Variants in CTNNA2 observed in about 807,000 individuals in gnomAD.
CTNNA2 encodes catenin alpha-2.
CTNNA2 carries 42 observed loss-of-function variants against 101.0 expected under a neutral mutation model. The ratio of observed to expected loss-of-function variants is 0.42; its 90% confidence interval spans 0.32 to 0.54. The LOEUF is 0.54. CTNNA2 is among the 20% of genes least tolerant of loss of function. The pLI, the probability that CTNNA2 is intolerant of heterozygous loss-of-function variation, is 0.14. For missense variants in CTNNA2, 871 were observed against 1,223.1 expected (o/e 0.71, Z 4.29); for synonymous variants, 450 against 456.4 (o/e 0.99, Z 0.18).
intron 12 of CTNNA2, among the ~76,000 whole-genome samples, 195 bp from the exon 13 acceptor site, chr2:80,573,968 A>G (rs1694821451): frequency 6.6e-6 from 1 of 152,122 alleles, no homozygotes; most frequent in African/African-American, 2.4e-5. Flanking sequence ...AACAATTGGG[A>G]AAGTTTCCTT....
intron 1 of CTNNA2, among the ~76,000 whole-genome samples, chr2:79,554,255 T>C (rs1324488224): frequency 6.6e-6 from 1 of 152,046 alleles, no homozygotes; most frequent in Admixed American, 6.6e-5. Context: ...TCAGAATACA[T>C]GTTGGAACTG....
chr2:80,363,670 A>T (rs1477245956), intron 7 of CTNNA2, among the ~76,000 whole-genome samples: 1 of 152,204 alleles, frequency 6.6e-6, no homozygotes, highest in Admixed American at 6.5e-5. Flanking sequence ...GCATATGGGT[A>T]GCAGGTATAC....
At chr2:79,801,887 G>A (rs1403749195) in intron 3 of CTNNA2, among the ~76,000 whole-genome samples, 1 of 151,516 alleles carries the variant, frequency 6.6e-6, no homozygotes, top group African/African-American at 2.4e-5. Context: ...AGCTACTCGG[G>A]AGGCTGAGGC....
chr2:79,397,561 T>C (rs1285845855), intron 4 of CTNNA2, among the ~76,000 whole-genome samples: 3 of 152,198 alleles, frequency 2.0e-5, no homozygotes, highest in Non-Finnish European at 4.4e-5. Context: ...ATTCATTCTT[T>C]ATACGTTTTT....
intron 3 of CTNNA2, among the ~76,000 whole-genome samples, chr2:79,342,024 A>G (rs1677149573): frequency 6.6e-6 from 1 of 152,178 alleles, no homozygotes; most frequent in African/African-American, 2.4e-5. Flanking sequence ...GGGGCAAATT[A>G]TTTGCTCTCA....
intron 7 of CTNNA2, among the ~76,000 whole-genome samples, chr2:79,944,962 A>G (rs1453532161): frequency 1.3e-5 from 2 of 152,210 alleles, no homozygotes; most frequent in African/African-American, 2.4e-5. Flanking sequence ...CATTCTCAGA[A>G]GGGCAAAAAT....
intron 7 of CTNNA2, among the ~76,000 whole-genome samples, chr2:80,270,435 C>G (rs547965260): frequency 6.6e-6 from 1 of 152,278 alleles, no homozygotes; most frequent in African/African-American, 2.4e-5. Flanking sequence ...TCTTACTCAG[C>G]AGGGAACTCA....
At chr2:79,461,040 C>T (rs1670872040) in intron 4 of CTNNA2, among the ~76,000 whole-genome samples, 1 of 151,966 alleles carries the variant, frequency 6.6e-6, no homozygotes, top group African/African-American at 2.4e-5. Flanking sequence ...CGAGATTTCA[C>T]TATGTTGGCC....
chr2:79,333,145 A>G (rs1676913770), intron 3 of CTNNA2, among the ~76,000 whole-genome samples: 1 of 152,286 alleles, frequency 6.6e-6, no homozygotes, highest in Non-Finnish European at 1.5e-5. Context: ...CAGGGAGCAA[A>G]CATTTAGAAA....
intron 4 of CTNNA2, among the ~76,000 whole-genome samples, chr2:79,860,312 C>T (rs925007458): frequency 1.3e-5 from 2 of 152,152 alleles, no homozygotes; most frequent in Non-Finnish European, 2.9e-5. Context: ...GCCCTGTCAG[C>T]AACTGTCAGG....
intron 1 of CTNNA2, among the ~76,000 whole-genome samples, chr2:79,541,344 T>C (rs62141447): frequency 6.0e-4 from 86 of 142,406 alleles, no homozygotes; most frequent in African/African-American, 1.6e-3. Flanking sequence ...TATATATATA[T>C]ACACACACAC....
chr2:79,605,756 T>C (rs1031418796), intron 1 of CTNNA2, among the ~76,000 whole-genome samples: 1 of 151,786 alleles, frequency 6.6e-6, no homozygotes, highest in Non-Finnish European at 1.5e-5. Context: ...ATGATGATAA[T>C]AATAATAATA....
chr2:79,947,679 A>G (rs1036859398), intron 7 of CTNNA2, among the ~76,000 whole-genome samples: 3 of 152,148 alleles, frequency 2.0e-5, no homozygotes, highest in African/African-American at 4.8e-5. Context: ...AGTATTTTCC[A>G]TATACTGGGT....
At chr2:80,372,333 C>T (rs1036190140) in intron 7 of CTNNA2, among the ~76,000 whole-genome samples, 9 of 151,710 alleles carry the variant, frequency 5.9e-5, no homozygotes, top group Non-Finnish European at 7.4e-5. Flanking sequence ...TATTTAGGGC[C>T]ACAAATCCCC....
chr2:80,483,242 T>C (rs1344243762), intron 9 of CTNNA2, among the ~76,000 whole-genome samples: 2 of 152,028 alleles, frequency 1.3e-5, no homozygotes, highest in African/African-American at 4.8e-5. Context: ...CTCCCTTCTT[T>C]CTTTCATTCC....
chr2:80,645,774 GA>G (rs1414993087), intron 18 of CTNNA2, among the ~76,000 whole-genome samples: 16 of 152,232 alleles, frequency 1.1e-4, no homozygotes, highest in African/African-American at 3.9e-4. Flanking sequence ...ATAAACGAAA[GA>G]GTATGGGGTT....
rs1026279098 is a variant in CTNNA2, at chr2:79,617,490, G to T, written c.-5-34062G>T. Among the ~76,000 whole-genome samples, 11 of 151,918 alleles carry T rather than the reference G, an allele frequency of 7.2e-5. 1 individual carries two copies. The highest frequency in any genetic ancestry group is 5.9e-5 in the Non-Finnish European group (4 of 67,968). On this transcript the variant is annotated intron_variant, in intron 1 of 18. Coordinates refer to ENST00000402739, the MANE Select transcript of CTNNA2 (RefSeq NM_001282597.3). ...TTTCAGTTCACTTTCTCTCTGGTTT[G>T]TTATTTATCCAGTCTACTTTGTTAG...
intron 7 of CTNNA2, among the ~76,000 whole-genome samples, chr2:80,246,531 A>G (rs754103900): frequency 1.3e-4 from 20 of 152,226 alleles, no homozygotes; most frequent in Non-Finnish European, 2.8e-4. Context: ...TCAAATCACT[A>G]CAAAGGCCAA....
At chr2:79,228,740 A>C (rs1461045673) in intron 2 of CTNNA2, among the ~76,000 whole-genome samples, 1 of 151,838 alleles carries the variant, frequency 6.6e-6, no homozygotes. Context: ...TGCTGGGCAG[A>C]AGCTCTTTAG....
Sources: gnomAD v4.1 joint callset for allele counts (sites outside exome capture counted in the v4.1 genomes callset) on GRCh38, gnomAD v4.1.1 for gene constraint, MANE v1.5 for transcripts, NCBI Gene and HGNC (gene_info 2026-07-23, HGNC 2026-07-21) for gene names.